ESYT2: variants seen among roughly 807,000 people sequenced by gnomAD.
ESYT2 encodes the protein extended synaptotagmin-2.
In ESYT2, 54 loss-of-function variants were observed where a neutral mutation model predicts 107.2. The ratio of observed to expected loss-of-function variants is 0.50; its 90% confidence interval spans 0.40 to 0.63. The LOEUF is 0.63. Ranked by LOEUF, ESYT2 falls within the 30% of genes least tolerant of loss-of-function variation. The pLI, the probability that ESYT2 is intolerant of heterozygous loss-of-function variation, is 0.00. For synonymous variants in ESYT2, 491 were observed against 434.1 expected (o/e 1.13, Z -1.63); for missense variants, 1,020 against 1,094.5 (o/e 0.93, Z 0.96).
At chr7:158,790,087 C>G (rs1442109031) in intron 4 of ESYT2, among the ~76,000 whole-genome samples, 1 of 152,140 alleles carries the variant, frequency 6.6e-6, no homozygotes, top group Non-Finnish European at 1.5e-5. Context: ...GGGGCACTGC[C>G]TGACCCGAGA....
chr7:158,742,017 T>G (rs114404996), intron 17 of ESYT2, 121 bp from the exon 18 acceptor site: 10 of 1,247,836 alleles, frequency 8.0e-6, no homozygotes, highest in Non-Finnish European at 1.1e-5. Context: ...AAAAAAAAAT[T>G]TTTTTTTAAA....
chr7:158,803,194 A>G (rs912896766), intron 1 of ESYT2, among the ~76,000 whole-genome samples: 15 of 152,258 alleles, frequency 9.9e-5, no homozygotes, highest in African/African-American at 3.6e-4. Context: ...TGAGAGGGTC[A>G]CCCATTTACT....
At chr7:158,785,986 T>G (rs983212986) in intron 6 of ESYT2, among the ~76,000 whole-genome samples, 57 of 152,206 alleles carry the variant, frequency 3.7e-4, no homozygotes, top group Non-Finnish European at 1.3e-4. Context: ...AGGAATTACT[T>G]GGCAGCCAGC....
intron 8 of ESYT2, 88 bp downstream of exon 8, chr7:158,767,566 A>T: frequency 6.6e-7 from 1 of 1,525,912 alleles, no homozygotes; most frequent in Non-Finnish European, 8.9e-7. Context: ...GGGGAGAGAC[A>T]AAGAGTCACA....
At chr7:158,805,139 GCAGTA>G (rs1839788355) in intron 1 of ESYT2, among the ~76,000 whole-genome samples, 1 of 152,138 alleles carries the variant, frequency 6.6e-6, no homozygotes, top group Non-Finnish European at 1.5e-5. Flanking sequence ...GCTGAACTTA[GCAGTA>G]GAGTGACTTA....
intron 7 of ESYT2, among the ~76,000 whole-genome samples, chr7:158,771,704 G>T (rs1185747838): frequency 6.6e-6 from 1 of 152,248 alleles, no homozygotes; most frequent in Non-Finnish European, 1.5e-5. Context: ...AGACACGCCA[G>T]CTTTCCAGCT....
At chr7:158,800,606 T>A (rs1839608140) in intron 1 of ESYT2, among the ~76,000 whole-genome samples, 1 of 152,126 alleles carries the variant, frequency 6.6e-6, no homozygotes, top group Non-Finnish European at 1.5e-5. Flanking sequence ...TCTAGGCTTG[T>A]CTTGAACATC....
chr7:158,760,545 G>C (rs1837924879), intron 11 of ESYT2, among the ~76,000 whole-genome samples: 1 of 152,154 alleles, frequency 6.6e-6, no homozygotes, highest in Admixed American at 6.5e-5. Context: ...GTGTTGCCCA[G>C]GCTGGGCTCA....
intron 13 of ESYT2, among the ~76,000 whole-genome samples, chr7:158,753,176 G>T (rs1041789281): frequency 2.0e-5 from 3 of 152,270 alleles, no homozygotes; most frequent in South Asian, 2.1e-4. Context: ...ACTATTCTAT[G>T]CTGAATAAAC....
intron 6 of ESYT2, among the ~76,000 whole-genome samples, chr7:158,786,771 T>C (rs1374285728): frequency 6.6e-6 from 1 of 152,240 alleles, no homozygotes; most frequent in Non-Finnish European, 1.5e-5. Context: ...TATGAATTAA[T>C]ATTCCTACTT....
chr7:158,789,728 G>A (rs969303051), intron 4 of ESYT2, among the ~76,000 whole-genome samples: 10 of 152,172 alleles, frequency 6.6e-5, no homozygotes, highest in African/African-American at 2.4e-4. Context: ...TTTGGTTAAA[G>A]TGCTTGTCTG....
intron 20 of ESYT2, 91 bp from the exon 21 acceptor site, chr7:158,735,699 C>T (rs1587362545): frequency 9.6e-7 from 1 of 1,042,308 alleles, no homozygotes; most frequent in East Asian, 2.4e-5. Flanking sequence ...GAGATCATTC[C>T]AAATGTCATG....
chr7:158,821,970 G>A (rs1378061578), intron 1 of ESYT2, among the ~76,000 whole-genome samples: 3 of 151,944 alleles, frequency 2.0e-5, no homozygotes, highest in African/African-American at 7.3e-5. Context: ...CTGAGCCACC[G>A]TGACACTGGA....
intron 1 of ESYT2, among the ~76,000 whole-genome samples, chr7:158,810,344 A>G (rs1839958488): frequency 6.6e-6 from 1 of 152,256 alleles, no homozygotes; most frequent in Admixed American, 6.5e-5. Context: ...ATTTGTCAAT[A>G]CAAGAAATGA....
At position 158,735,515 on chromosome 7, in the gene ESYT2, C is replaced by A; in HGVS notation, c.2493G>T (p.Gly831=). ...GTTTGGCACTTACTTTGCCAAGGAG[C>A]CCTTTGTCTTTGGACAGGAAGCCGC... ...NSGGFLSKDK[G]LLGKVLVALA... Residue 831 remains glycine, a synonymous_variant, in exon 21 of 23, where the codon GGG becomes GGT. Transcript: ENST00000275418. 6.2e-7 allele frequency: 1 copy of A among 1,613,978 alleles called. No individual in the cohort carries two copies. The highest frequency in any genetic ancestry group is 8.5e-7 in the Non-Finnish European group (1 of 1,179,874).
At chr7:158,754,092 G>A (rs1837672634) in intron 13 of ESYT2, among the ~76,000 whole-genome samples, 1 of 152,212 alleles carries the variant, frequency 6.6e-6, no homozygotes, top group Non-Finnish European at 1.5e-5. Context: ...CCAGGCAAGT[G>A]CTTCAGGCAG....
At chr7:158,747,218 C>G (rs1405825417) in intron 16 of ESYT2, among the ~76,000 whole-genome samples, 2 of 150,778 alleles carry the variant, frequency 1.3e-5, no homozygotes, top group Non-Finnish European at 1.5e-5. Context: ...TGTGGTGGCG[C>G]GCACCTGTAA....
chr7:158,769,348 GACCC>G, intron 7 of ESYT2, among the ~76,000 whole-genome samples: 1 of 152,312 alleles, frequency 6.6e-6, no homozygotes. Context: ...GCAGAGGCAG[GACCC>G]ACCCACCTTT....
chr7:158,767,503 T>C, intron 8 of ESYT2, 151 bp downstream of exon 8: 1 of 1,000,650 alleles, frequency 1.0e-6, no homozygotes, highest in East Asian at 2.5e-5. Context: ...TTAAGGAAAG[T>C]GACGGACAAC....
Sources: allele counts gnomAD v4.1 joint callset (sites outside exome capture counted in the v4.1 genomes callset), GRCh38; gene constraint gnomAD v4.1.1; transcripts MANE v1.5; gene names NCBI Gene and HGNC (gene_info 2026-07-23, HGNC 2026-07-21).